The following DNAI7 variants were observed in gnomAD, a reference collection of about 807,000 sequenced individuals.
DNAI7 encodes the protein cancer susceptibility 1.
DNAI7 carries 78 observed loss-of-function variants against 86.6 expected under a neutral mutation model. The observed-to-expected ratio is 0.90, with a 90% CI of 0.75 to 1.09. The LOEUF is 1.09. Ranked by LOEUF, DNAI7 falls within the 50% of genes least tolerant of loss-of-function variation. The pLI is 0.00. For missense variants in DNAI7, 753 were observed against 810.2 expected, an observed-to-expected ratio of 0.93 and a Z score of 0.86; for synonymous variants, 274 against 273.0, an observed-to-expected ratio of 1.00 and a Z score of -0.04.
intron 9 of DNAI7, among the ~76,000 whole-genome samples, chr12:25,130,327 G>A (rs1482992097): frequency 6.6e-6 from 1 of 151,484 alleles, no homozygotes; most frequent in African/African-American, 2.4e-5. Context: ...CACAAGGTCA[G>A]GAGATCGAGA....
chr12:25,164,853 T>A (rs1947266281), intron 2 of DNAI7, among the ~76,000 whole-genome samples: 2 of 151,556 alleles, frequency 1.3e-5, no homozygotes, highest in South Asian at 4.2e-4. Context: ...CAGCCTCCAC[T>A]CCTCCACCCT....
chr12:25,171,957 C>G (rs1418157304), intron 2 of DNAI7, among the ~76,000 whole-genome samples: 1 of 152,114 alleles, frequency 6.6e-6, no homozygotes, highest in Non-Finnish European at 1.5e-5. Context: ...ATAAAAGGGA[C>G]ATATCTTAAT....
At chr12:25,194,275 G>C (rs1449341820) in intron 1 of DNAI7, among the ~76,000 whole-genome samples, 1 of 152,148 alleles carries the variant, frequency 6.6e-6, no homozygotes, top group East Asian at 1.9e-4. Flanking sequence ...AATTGTTACA[G>C]TTGTAAAGCT....
rs1156401648 is a variant in DNAI7 at position 25,108,567 on chromosome 12, C to A, written c.2150G>T (p.Arg717Ile). The part of the protein sequence containing the change: ...NSVCHMLLST[R>I]LLSYS ...TGGAGGTTAGGAGTAGCTGAGCAATCTGGTAGAGAGCAGCATGTGGCACAC... is the reference window on the plus strand; with the variant it reads ...TGGAGGTTAGGAGTAGCTGAGCAATATGGTAGAGAGCAGCATGTGGCACAC... The change falls in exon 16 of 16, where the codon AGA (arginine) becomes ATA (isoleucine). Residue 717 changes from arginine (R) to isoleucine (I), a missense_variant. Physicochemically the swap from Arg to Ile is moderately conservative, Grantham distance 97 (BLOSUM62 -3). Coordinates refer to ENST00000395987, the MANE Select transcript of DNAI7 (RefSeq NM_018272.5). The A allele has an allele frequency of 6.2e-7, 1 of 1,613,264 alleles. No homozygotes were observed. Among genetic ancestry groups the A allele is most frequent in the East Asian group, 2.2e-5 (1 of 44,872 alleles).
chr12:25,114,315 G>A (rs1175965573), intron 13 of DNAI7, among the ~76,000 whole-genome samples: 2 of 152,138 alleles, frequency 1.3e-5, no homozygotes, highest in African/African-American at 4.8e-5. Context: ...GATTTCAAAT[G>A]GCTGGATGAT....
At chr12:25,168,116 G>A (rs144708589) in intron 2 of DNAI7, among the ~76,000 whole-genome samples, 4 of 152,204 alleles carry the variant, frequency 2.6e-5, no homozygotes, top group Non-Finnish European at 4.4e-5. Flanking sequence ...GACGGCTGCC[G>A]CCCTAGCTGG....
At chr12:25,180,466 A>C (rs1422894273) in intron 2 of DNAI7, among the ~76,000 whole-genome samples, 1 of 152,178 alleles carries the variant, frequency 6.6e-6, no homozygotes, top group Non-Finnish European at 1.5e-5. Context: ...ACCAAAAAAG[A>C]GCCCACACAG....
intron 9 of DNAI7, among the ~76,000 whole-genome samples, chr12:25,134,449 C>G (rs1005537784): frequency 6.7e-6 from 1 of 148,842 alleles, no homozygotes; most frequent in African/African-American, 2.5e-5. Flanking sequence ...CTCTGCCTCC[C>G]AGGTTCAAGT....
intron 3 of DNAI7, among the ~76,000 whole-genome samples, chr12:25,160,414 C>G (rs184913268): frequency 7.4e-4 from 113 of 152,236 alleles, no homozygotes; most frequent in African/African-American, 2.5e-3. Context: ...CTGACTCCAC[C>G]CTGACTCATT....
At chr12:25,133,938 T>C (rs1943232338) in intron 9 of DNAI7, among the ~76,000 whole-genome samples, 2 of 152,236 alleles carry the variant, frequency 1.3e-5, no homozygotes, top group South Asian at 2.1e-4. Context: ...ATTTCTGCCA[T>C]ATCACTAATT....
intron 11 of DNAI7, among the ~76,000 whole-genome samples, chr12:25,120,342 G>GAGAGAGAGAGA (rs71065905): frequency 1.1e-3 from 148 of 137,954 alleles, no homozygotes; most frequent in Middle Eastern, 4.0e-3. Context: ...GAGAGAGAGA[G>GAGAGAGAGAGA]GAAGGAAGGG....
intron 11 of DNAI7, among the ~76,000 whole-genome samples, 164 bp downstream of exon 11, chr12:25,121,587 ATC>A (rs1941298659): frequency 6.6e-6 from 1 of 152,238 alleles, no homozygotes; most frequent in African/African-American, 2.4e-5. Context: ...TTCTTTTAGC[ATC>A]TGATTCAAAT....
chr12:25,190,005 A>C (rs1565853673), intron 2 of DNAI7, among the ~76,000 whole-genome samples: 2 of 92,250 alleles, frequency 2.2e-5, no homozygotes, highest in African/African-American at 8.4e-5. Flanking sequence ...AAAAAAAAAA[A>C]AAAGCACTTC....
intron 10 of DNAI7, 109 bp downstream of exon 10, chr12:25,123,102 T>G: frequency 4.3e-6 from 3 of 703,370 alleles, no homozygotes; most frequent in Non-Finnish European, 4.6e-6. Context: ...GAATTTTCAC[T>G]TTAAATATAT....
chr12:25,132,060 G>T (rs1460206336), intron 9 of DNAI7, among the ~76,000 whole-genome samples: 2 of 152,050 alleles, frequency 1.3e-5, no homozygotes, highest in East Asian at 1.9e-4. Flanking sequence ...TTAGGTACAG[G>T]GATTATTCGT....
chr12:25,138,349 G>A (rs1403274089), intron 9 of DNAI7, among the ~76,000 whole-genome samples: 1 of 152,178 alleles, frequency 6.6e-6, no homozygotes. Context: ...CGTAATTCCA[G>A]CTATCCAGGA....
Position 25,174,520 on chromosome 12 carries a change from C to G in DNAI7, c.22-13323G>C, listed in dbSNP as rs375584322. On this transcript the variant is annotated intron_variant, in intron 2 of 15. Coordinates refer to ENST00000395987, the MANE Select transcript of DNAI7 (RefSeq NM_018272.5). ...TCCCATATATATGGGATATATATAT[C>G]ATATATATCATATATATGGGATATA... Among the ~76,000 whole-genome samples, 164 of 17,366 alleles carry G rather than the reference C, an allele frequency of 9.4e-3. 42 individuals carry two copies. The highest frequency in any genetic ancestry group is 0.056 in the African/African-American group (126 of 2,244). The allele number at this position is 17,366 out of a possible 152,430, so 11.4% of individuals were successfully genotyped here. A position where few individuals can be genotyped will look rare whatever the true frequency, so the allele number is the denominator to read the frequency against.
rs372121768 is a variant in DNAI7, at chr12:25,112,605, A to G, written c.1612-666T>C. Among the ~76,000 whole-genome samples, 725 of 151,820 alleles carry G rather than the reference A, an allele frequency of 4.8e-3. 7 individuals are homozygous for G. Among genetic ancestry groups the G allele is most frequent in the South Asian group, 0.028 (132 of 4,796 alleles). On this transcript the variant is annotated intron_variant, in intron 13 of 15. Transcript: ENST00000395987. ...GTATTTTTAGTAGAGACAGGGTTTCACCGTGTTAGCCAGGATGGTCTCGAT... is the reference window on the plus strand; with the variant it reads ...GTATTTTTAGTAGAGACAGGGTTTCGCCGTGTTAGCCAGGATGGTCTCGAT...
In DNAI7 at chr12:25,108,769, T is replaced by G. The variant is rs1949468276; in HGVS notation, c.1948A>C (p.Met650Leu). 6.5e-7 allele frequency: 1 copy of G among 1,549,470 alleles called. No individual in the cohort carries two copies. Among genetic ancestry groups the G allele is most frequent in the Non-Finnish European group, 8.7e-7 (1 of 1,142,960 alleles). ...CTENPNWALLMFSGDRAQRLK... is the reference protein window; with the variant it reads ...CTENPNWALLLFSGDRAQRLK... The stretch of plus-strand genomic sequence containing the variant: ...CTTTGTGCTCTGTCACCACTAAACA[T>G]TAAAAGGGCCCAATTAGGATTCTCA... The change falls in exon 16 of 16, where the codon ATG becomes CTG. Residue 650 changes from methionine (M) to leucine (L), a missense_variant. By Grantham distance (15) the Met-to-Leu change is conservative. Coordinates refer to ENST00000395987, the MANE Select transcript of DNAI7 (RefSeq NM_018272.5).
Sources: allele counts gnomAD v4.1 joint callset (sites outside exome capture counted in the v4.1 genomes callset), GRCh38; gene constraint gnomAD v4.1.1; transcripts MANE v1.5; gene names NCBI Gene and HGNC (gene_info 2026-07-23, HGNC 2026-07-21).